Variants in RBM6 observed in about 807,000 individuals in gnomAD.
RBM6 encodes RNA binding motif protein 6.
RBM6 carries 23 observed loss-of-function variants against 140.4 expected under a neutral mutation model. That is an observed-to-expected ratio of 0.16 (90% confidence interval 0.12 to 0.23). RBM6 has a LOEUF of 0.23. Among genes scored for constraint, RBM6 ranks in the 10% least tolerant of loss-of-function variants. The probability of loss-of-function intolerance (pLI) is 1.00; values close to 1 mark genes in which losing one functional copy is unlikely to be tolerated. For missense variants in RBM6, 1,139 were observed against 1,386.7 expected (o/e 0.82, Z 2.84); for synonymous variants, 439 against 475.6 (o/e 0.92, Z 1.00).
intron 6 of RBM6, among the ~76,000 whole-genome samples, chr3:50,039,860 T>G (rs2088776873): frequency 1.3e-5 from 2 of 152,208 alleles, no homozygotes; most frequent in South Asian, 4.1e-4. Context: ...TTTTGATTAC[T>G]TACTTACTTG....
intron 19 of RBM6, among the ~76,000 whole-genome samples, chr3:50,073,930 A>C (rs1575895355): frequency 6.6e-6 from 1 of 151,542 alleles, no homozygotes; most frequent in South Asian, 2.1e-4. Context: ...GCTCACTGCA[A>C]CCTCCGCCTC....
intron 6 of RBM6, among the ~76,000 whole-genome samples, chr3:50,003,314 A>T (rs2086428912): frequency 6.7e-6 from 1 of 149,834 alleles, no homozygotes; most frequent in African/African-American, 2.4e-5. Flanking sequence ...AATTTAAAAA[A>T]AAAAAAAAAA....
At chr3:50,000,410 ATCTT>A (rs2086270700) in intron 6 of RBM6, among the ~76,000 whole-genome samples, 2 of 147,182 alleles carry the variant, frequency 1.4e-5, no homozygotes, top group Non-Finnish European at 3.0e-5. Flanking sequence ...TGGGCCCAGA[ATCTT>A]TCTTTCTTTC....
intron 6 of RBM6, among the ~76,000 whole-genome samples, chr3:50,036,936 C>G (rs1473431970): frequency 6.6e-6 from 1 of 152,124 alleles, no homozygotes; most frequent in African/African-American, 2.4e-5. Context: ...CTCATGCCAC[C>G]ATGCCCAGCT....
intron 1 of RBM6, among the ~76,000 whole-genome samples, chr3:49,946,548 T>C (rs1330168835): frequency 1.3e-5 from 2 of 151,514 alleles, no homozygotes; most frequent in Admixed American, 1.3e-4. Flanking sequence ...CATTTTCTTT[T>C]TTTTTGAGAC....
At chr3:50,038,383 A>G (rs2088670563) in intron 6 of RBM6, among the ~76,000 whole-genome samples, 1 of 152,196 alleles carries the variant, frequency 6.6e-6, no homozygotes, top group Non-Finnish European at 1.5e-5. Flanking sequence ...TTTATTTACC[A>G]AACTCCCTAT....
chr3:50,057,955 G>A lies in RBM6; in HGVS notation c.1921G>A (p.Glu641Lys). Residue 641 changes from glutamate (E) to lysine (K), a missense_variant, in exon 9 of 21, where the codon GAG (glutamate) becomes AAG (lysine). Glu to Lys is a moderately conservative substitution (Grantham distance 56). Coordinates refer to ENST00000266022, the MANE Select transcript of RBM6 (RefSeq NM_005777.3). The stretch of plus-strand genomic sequence containing the variant: ...AGGGCCAACTTTCCGAAGAGACCGA[G>A]AGAGGGAGTCATGGTCTGGAGAGAC... Reference protein sequence around the residue: ...REGPTFRRDRERESWSGETRQ... With the variant: ...REGPTFRRDRKRESWSGETRQ... The A allele has an allele frequency of 2.5e-6, 4 of 1,614,164 alleles. No individual in the cohort carries two copies. The highest frequency in any genetic ancestry group is 3.4e-6 in the Non-Finnish European group (4 of 1,180,038).
At chr3:50,029,989 A>C (rs2088056819) in intron 6 of RBM6, among the ~76,000 whole-genome samples, 1 of 150,640 alleles carries the variant, frequency 6.6e-6, no homozygotes, top group African/African-American at 2.5e-5. Flanking sequence ...ATGATGCACC[A>C]GGGCACTCCA....
At chr3:50,001,340 A>G (rs1037800534) in intron 6 of RBM6, among the ~76,000 whole-genome samples, 7 of 151,978 alleles carry the variant, frequency 4.6e-5, no homozygotes, top group African/African-American at 1.4e-4. Context: ...TGTGGTGGCT[A>G]TCAACTTGGG....
At chr3:49,951,574 T>G (rs1239855524) in intron 1 of RBM6, among the ~76,000 whole-genome samples, 1 of 149,758 alleles carries the variant, frequency 6.7e-6, no homozygotes. Flanking sequence ...ATTTATTTAT[T>G]TATTTATGTA....
At chr3:50,001,901 G>T (rs1322026631) in intron 6 of RBM6, among the ~76,000 whole-genome samples, 57 of 152,204 alleles carry the variant, frequency 3.7e-4, no homozygotes, top group Admixed American at 3.7e-3. Context: ...ATGCATCATG[G>T]TGGCAATTTT....
At position 49,948,722 on chromosome 3, in the gene RBM6, A is replaced by ATT. The variant is rs1450322813; in HGVS notation, c.-67+8497_-67+8498insTT. ...TGAGACTCTGTCTCAAAAAAGAAAA[A>ATT]AAAAAAAAAGAATTGCTTGAACCCA... On this transcript the variant is annotated intron_variant, in intron 1 of 20. Transcript: ENST00000266022. 2.6e-4 allele frequency among the ~76,000 whole-genome samples: 40 copies of ATT among 151,002 alleles called. 2 individuals carry two copies. In the East Asian group the frequency reaches 4.1e-3, roughly 16 times the overall value.
chr3:50,067,184 C>T (rs2526744), intron 17 of RBM6, among the ~76,000 whole-genome samples: 1 of 99,348 alleles, frequency 1.0e-5, no homozygotes, highest in East Asian at 3.5e-4. Flanking sequence ...AAGACTCTAT[C>T]TCAAAAAAAA....
intron 5 of RBM6, among the ~76,000 whole-genome samples, chr3:49,979,230 TAG>T (rs1331709064): frequency 6.6e-6 from 1 of 151,964 alleles, no homozygotes; most frequent in Non-Finnish European, 1.5e-5. Context: ...GGCACACCCG[TAG>T]AGATAGAAAG....
chr3:49,951,220 G>A (rs1455650918), intron 1 of RBM6, among the ~76,000 whole-genome samples: 2 of 152,134 alleles, frequency 1.3e-5, no homozygotes, highest in African/African-American at 2.4e-5. Context: ...CTTTTTGTTT[G>A]TTTGTTTTTT....
In RBM6 at chr3:49,975,374, T is replaced by C; in HGVS notation, c.1465T>C (p.Leu489=). The C allele has an allele frequency of 6.2e-7, 1 of 1,613,738 alleles. No homozygotes were observed. Among genetic ancestry groups the C allele is most frequent in the Non-Finnish European group, 8.5e-7 (1 of 1,179,628 alleles). ...PDGMPVKNLQ[L]KEYNTGYDYG... ...TGGCATGCCTGTAAAGAACTTGCAG[T>C]TGAAGGAGTATAACACAGGTGAGTT... Residue 489 remains leucine (L), a synonymous_variant, in exon 5 of 21, where the codon TTG becomes CTG. Coordinates refer to ENST00000266022, the MANE Select transcript of RBM6 (RefSeq NM_005777.3).
intron 1 of RBM6, among the ~76,000 whole-genome samples, chr3:49,947,005 T>C (rs2083516001): frequency 6.6e-6 from 1 of 150,592 alleles, no homozygotes; most frequent in African/African-American, 2.4e-5. Context: ...TATCTATTCA[T>C]GTCTTTTGTT....
intron 1 of RBM6, among the ~76,000 whole-genome samples, chr3:49,954,439 CA>C (rs529547115): frequency 0.12 from 9,816 of 80,356 alleles, 277 homozygotes; most frequent in African/African-American, 0.13. Context: ...GACTCCATCT[CA>C]AAAAAAAAAA....
At chr3:49,961,421 G>A (rs985060307) in intron 1 of RBM6, among the ~76,000 whole-genome samples, 2 of 152,058 alleles carry the variant, frequency 1.3e-5, no homozygotes, top group Non-Finnish European at 2.9e-5. Flanking sequence ...TGGCTCAAGC[G>A]GTCTGCCTGC....
Sources: gnomAD v4.1 joint callset for allele counts (sites outside exome capture counted in the v4.1 genomes callset) on GRCh38, gnomAD v4.1.1 for gene constraint, MANE v1.5 for transcripts, NCBI Gene and HGNC (gene_info 2026-07-23, HGNC 2026-07-21) for gene names.